The following FRK variants were observed in gnomAD, a reference collection of about 807,000 sequenced individuals.
FRK encodes the protein fyn related Src family tyrosine kinase, also known as tyrosine-protein kinase FRK.
FRK carries 51 observed loss-of-function variants against 56.4 expected under a neutral mutation model. That is an observed-to-expected ratio of 0.90 (90% CI 0.72 to 1.14). The LOEUF (loss-of-function observed/expected upper bound fraction) is 1.14, where lower values mean the gene tolerates loss of function less well. Among genes scored for constraint, FRK ranks in the 50% most tolerant of loss-of-function variants. The pLI, the probability that FRK is intolerant of heterozygous loss-of-function variation, is 0.00. For missense variants in FRK, 570 were observed against 601.4 expected, an observed-to-expected ratio of 0.95 and a Z score of 0.55; for synonymous variants, 245 against 217.9, an observed-to-expected ratio of 1.12 and a Z score of -1.10.
chr6:116,015,450 G>A (rs1365590424), intron 1 of FRK, among the ~76,000 whole-genome samples: 1 of 152,124 alleles, frequency 6.6e-6, no homozygotes, highest in Non-Finnish European at 1.5e-5. Context: ...AGCTGTGTGA[G>A]AACGGACTAA....
chr6:115,941,576 C>G lies in FRK; in HGVS notation c.*838G>C, dbSNP rs1772184113. On this transcript the variant is annotated 3_prime_UTR_variant, in exon 8 of 8. Transcript: ENST00000606080. The stretch of plus-strand genomic sequence containing the variant: ...TTTTCTTTATTAATTACTCAGAAGT[C>G]TAGGCCACAGCAATCCTACTGTTCT... 1 of 152,150 alleles carries G rather than the reference C, an allele frequency of 6.6e-6. No individual in the cohort carries two copies. The highest frequency in any genetic ancestry group is 2.4e-5 in the African/African-American group (1 of 41,434). The allele number at this position is 152,150 out of a possible 1,614,324, so 9.4% of individuals were successfully genotyped here.
chr6:115,970,522 AATTTGT>A (rs138758938), intron 2 of FRK, among the ~76,000 whole-genome samples: 1 of 152,348 alleles, frequency 6.6e-6, no homozygotes, highest in African/African-American at 2.4e-5. Flanking sequence ...GTGGAATGCA[AATTTGT>A]AAATAAACAA....
the FRK span, among the ~76,000 whole-genome samples, chr6:116,084,754 G>A: frequency 2.0e-5 from 3 of 152,198 alleles, no homozygotes; most frequent in Non-Finnish European, 2.9e-5. Context: ...CATGGATACA[G>A]GGAAAGGAAT....
chr6:115,988,714 T>C (rs867943713), intron 2 of FRK, among the ~76,000 whole-genome samples: 1 of 152,048 alleles, frequency 6.6e-6, no homozygotes, highest in African/African-American at 2.4e-5. Flanking sequence ...CCTGTTTGTA[T>C]ACGCGATACA....
chr6:116,082,051 T>G, the FRK span, among the ~76,000 whole-genome samples: 1 of 152,168 alleles, frequency 6.6e-6, no homozygotes, highest in African/African-American at 2.4e-5. Context: ...GAGGGTATAA[T>G]TTAAGCAAAA....
At chr6:116,037,892 G>C (rs182668612) in intron 1 of FRK, among the ~76,000 whole-genome samples, 1 of 152,282 alleles carries the variant, frequency 6.6e-6, no homozygotes, top group East Asian at 1.9e-4. Flanking sequence ...AGTGAAGAAA[G>C]GCCCAACTGA....
At chr6:115,947,995 T>G (rs1185586970) in intron 5 of FRK, among the ~76,000 whole-genome samples, 1 of 152,168 alleles carries the variant, frequency 6.6e-6, no homozygotes, top group Non-Finnish European at 1.5e-5. Context: ...GAAAGCCTCT[T>G]CTACTAATTG....
At chr6:116,091,978 C>T in the FRK span, among the ~76,000 whole-genome samples, 2 of 152,174 alleles carry the variant, frequency 1.3e-5, no homozygotes, top group Admixed American at 6.5e-5. Flanking sequence ...GCCTGACCCT[C>T]GCCTCTTGGG....
chr6:116,079,738 T>C, the FRK span, among the ~76,000 whole-genome samples: 1 of 151,978 alleles, frequency 6.6e-6, no homozygotes, highest in Non-Finnish European at 1.5e-5. Flanking sequence ...TACAGACACA[T>C]GCTAATTTTT....
At chr6:116,039,176 T>C (rs558537719) in intron 1 of FRK, 2 of 1,216,398 alleles carry the variant, frequency 1.6e-6, no homozygotes, top group East Asian at 2.3e-5. Context: ...ACTGAGAAGT[T>C]TGTTTTCGAG....
chr6:115,956,193 C>A (rs1015706670), intron 5 of FRK, among the ~76,000 whole-genome samples: 5 of 152,150 alleles, frequency 3.3e-5, no homozygotes, highest in Non-Finnish European at 7.4e-5. Flanking sequence ...TCTTTAATTT[C>A]CCACGTTACA....
At chr6:116,042,302 G>A (rs1307478041) in intron 1 of FRK, among the ~76,000 whole-genome samples, 1 of 152,108 alleles carries the variant, frequency 6.6e-6, no homozygotes, top group African/African-American at 2.4e-5. Flanking sequence ...CCTGGGGGAA[G>A]GGGCAGGTAT....
At chr6:115,970,646 C>T (rs1158364629) in intron 2 of FRK, among the ~76,000 whole-genome samples, 1 of 152,142 alleles carries the variant, frequency 6.6e-6, no homozygotes, top group African/African-American at 2.4e-5. Flanking sequence ...CGCCTTTAGT[C>T]ACAGCATCTG....
At chr6:116,078,965 T>C in the FRK span, among the ~76,000 whole-genome samples, 1 of 152,196 alleles carries the variant, frequency 6.6e-6, no homozygotes, top group Non-Finnish European at 1.5e-5. Context: ...AAAAGTCCAT[T>C]CCTTTTCATT....
chr6:115,985,114 C>T (rs1218346318), intron 2 of FRK, among the ~76,000 whole-genome samples: 1 of 152,232 alleles, frequency 6.6e-6, no homozygotes, highest in South Asian at 2.1e-4. Flanking sequence ...ATTAATTCAT[C>T]TTCTCTAAGC....
In FRK at chr6:115,932,149, G is replaced by A. The variant is rs975288415; in HGVS notation, c.*10265C>T. ...TGTAGATTGAAGCTAAACTTGTTAA[G>A]GCTTTTGAAATTCAGGGTTTATATA... On this transcript the variant is annotated 3_prime_UTR_variant, in exon 8 of 8. Transcript: ENST00000606080. The A allele has an allele frequency of 4.1e-5, 6 of 146,534 alleles. No individual in the cohort carries two copies. The highest frequency in any genetic ancestry group is 9.1e-5 in the Non-Finnish European group (6 of 66,102). 9.1% of individuals were successfully genotyped at this position (146,534 alleles called of 1,614,324 possible).
intron 4 of FRK, among the ~76,000 whole-genome samples, chr6:115,960,143 C>G (rs2114576425): frequency 6.6e-6 from 1 of 151,836 alleles, no homozygotes; most frequent in East Asian, 1.9e-4. Flanking sequence ...CCGGGTTCAT[C>G]TCACTAGGGA....
chr6:116,022,999 T>G (rs1775935267), intron 1 of FRK, among the ~76,000 whole-genome samples: 1 of 151,976 alleles, frequency 6.6e-6, no homozygotes, highest in South Asian at 2.1e-4. Flanking sequence ...GCAGAAGACT[T>G]AAAGAGACAC....
At chr6:116,038,738 C>G (rs1776584419) in intron 1 of FRK, 2 of 469,156 alleles carry the variant, frequency 4.3e-6, no homozygotes, top group Non-Finnish European at 8.6e-6. Flanking sequence ...TGACCTTCAG[C>G]ACCTCAGCTC....
Sources: gnomAD v4.1 joint callset for allele counts (sites outside exome capture counted in the v4.1 genomes callset) on GRCh38, gnomAD v4.1.1 for gene constraint, MANE v1.5 for transcripts, NCBI Gene and HGNC (gene_info 2026-07-23, HGNC 2026-07-21) for gene names.